Variants in FAM13A observed in about 807,000 individuals in gnomAD.
FAM13A encodes protein FAM13A.
Under a neutral mutation model 129.6 loss-of-function variants are expected in FAM13A, and 76 were observed. The ratio of observed to expected loss-of-function variants is 0.59; its 90% CI spans 0.49 to 0.71. The LOEUF (loss-of-function observed/expected upper bound fraction) is 0.71, where lower values mean the gene tolerates loss of function less well. Among genes scored for constraint, FAM13A ranks in the 30% least tolerant of loss-of-function variants. FAM13A has a pLI of 0.00. For missense variants in FAM13A, 1,108 were observed against 1,249.3 expected (o/e 0.89, Z 1.70); for synonymous variants, 443 against 449.9 (o/e 0.98, Z 0.20).
At chr4:89,002,243 G>A (rs1184851445) in intron 3 of FAM13A, among the ~76,000 whole-genome samples, 1 of 151,024 alleles carries the variant, frequency 6.6e-6, no homozygotes, top group African/African-American at 2.4e-5. Context: ...ACATTTGGAA[G>A]TGGATGCAAG....
At chr4:89,034,454 T>C (rs918490552) in intron 1 of FAM13A, among the ~76,000 whole-genome samples, 3 of 152,150 alleles carry the variant, frequency 2.0e-5, no homozygotes, top group African/African-American at 7.2e-5. Context: ...GAGAAAAGGG[T>C]ACATTTATAT....
At chr4:88,913,260 AAGAAGT>A (rs1454379157) in intron 5 of FAM13A, among the ~76,000 whole-genome samples, 2 of 139,644 alleles carry the variant, frequency 1.4e-5, no homozygotes, top group African/African-American at 5.4e-5. Context: ...GAAGAAGAGG[AAGAAGT>A]GGAGGAGGAA....
At chr4:88,832,758 A>C (rs1253371330) in intron 7 of FAM13A, among the ~76,000 whole-genome samples, 3 of 152,230 alleles carry the variant, frequency 2.0e-5, no homozygotes, top group Non-Finnish European at 4.4e-5. Context: ...AAGGAGAAAA[A>C]GGAACACTTT....
intron 7 of FAM13A, among the ~76,000 whole-genome samples, chr4:88,829,423 A>C (rs1733533436): frequency 6.6e-6 from 1 of 152,184 alleles, no homozygotes; most frequent in South Asian, 2.1e-4. Flanking sequence ...TAGGTGACAG[A>C]GTGAGTCTCA....
chr4:89,056,828 C>T, intron 1 of FAM13A, 110 bp downstream of exon 1: 1 of 1,079,094 alleles, frequency 9.3e-7, no homozygotes, highest in Non-Finnish European at 1.4e-6. Context: ...TTCCCCACCT[C>T]CTGGGAAGGA....
At chr4:88,937,949 T>G (rs897984795) in intron 5 of FAM13A, 139 bp downstream of exon 5, 1 of 620,962 alleles carries the variant, frequency 1.6e-6, no homozygotes, top group Non-Finnish European at 2.8e-6. Flanking sequence ...GAATAATAGA[T>G]TTCATAAGAA....
intron 3 of FAM13A, among the ~76,000 whole-genome samples, chr4:89,002,587 C>T (rs1338388357): frequency 1.3e-5 from 2 of 152,124 alleles, no homozygotes; most frequent in Non-Finnish European, 2.9e-5. Flanking sequence ...TTGGGCATCC[C>T]CAAATGACAC....
intron 6 of FAM13A, among the ~76,000 whole-genome samples, chr4:88,870,995 T>C (rs1741291942): frequency 6.6e-6 from 1 of 152,212 alleles, no homozygotes; most frequent in Admixed American, 6.5e-5. Context: ...TGGTGATACC[T>C]AGGCAAACAG....
At chr4:89,043,824 C>A (rs1031184650) in intron 1 of FAM13A, among the ~76,000 whole-genome samples, 1 of 152,186 alleles carries the variant, frequency 6.6e-6, no homozygotes, top group Non-Finnish European at 1.5e-5. Context: ...GTAATCCCAA[C>A]ACTTTGAGAG....
chr4:88,796,677 G>A (rs947545124), intron 8 of FAM13A, among the ~76,000 whole-genome samples: 1 of 149,468 alleles, frequency 6.7e-6, no homozygotes, highest in Non-Finnish European at 1.5e-5. Flanking sequence ...TTTGTTTTAG[G>A]TATGACTCTT....
Position 88,888,664 on chromosome 4 carries a change from G to A in FAM13A, c.843+17715C>T, listed in dbSNP as rs907034139. Among the ~76,000 whole-genome samples, 7 of 151,874 alleles carry A rather than the reference G, an allele frequency of 4.6e-5. 1 individual carries two copies. Among genetic ancestry groups the A allele is most frequent in the Non-Finnish European group, 7.4e-5 (5 of 67,992 alleles). On this transcript the variant is annotated intron_variant, in intron 6 of 23. Coordinates refer to ENST00000264344, the MANE Select transcript of FAM13A (RefSeq NM_014883.4). ...CTTGAGGCCAGGCACGGTGGCTCAC[G>A]CCTGTAATCCCAGAATTTTGGGAGG...
intron 4 of FAM13A, among the ~76,000 whole-genome samples, chr4:88,961,705 G>A (rs1758649862): frequency 6.6e-6 from 1 of 151,884 alleles, no homozygotes; most frequent in Non-Finnish European, 1.5e-5. Context: ...GAAGCAGTAG[G>A]GAACATAAAA....
At chr4:88,999,670 C>G (rs1328389285) in intron 3 of FAM13A, among the ~76,000 whole-genome samples, 5 of 152,082 alleles carry the variant, frequency 3.3e-5, no homozygotes. Context: ...TGAGTTAAAC[C>G]AAGCCCAGAG....
At chr4:88,755,996 A>G (rs145143935) in intron 14 of FAM13A, among the ~76,000 whole-genome samples, 1 of 152,346 alleles carries the variant, frequency 6.6e-6, no homozygotes, top group African/African-American at 2.4e-5. Flanking sequence ...GACATACTGA[A>G]TAGAGTAGCT....
At chr4:88,990,880 A>T in intron 4 of FAM13A, 93 bp downstream of exon 4, 1 of 946,372 alleles carries the variant, frequency 1.1e-6, no homozygotes, top group Non-Finnish European at 1.6e-6. Flanking sequence ...GAATTTTCAG[A>T]CTGAAATATG....
intron 3 of FAM13A, among the ~76,000 whole-genome samples, chr4:89,015,381 C>T (rs368378528): frequency 2.6e-4 from 39 of 152,262 alleles, no homozygotes; most frequent in African/African-American, 8.2e-4. Context: ...GCTGGTTTTG[C>T]GGCTTGCGGG....
intron 6 of FAM13A, among the ~76,000 whole-genome samples, chr4:88,881,016 C>A (rs1381734512): frequency 4.6e-5 from 7 of 152,136 alleles, no homozygotes; most frequent in Non-Finnish European, 8.8e-5. Flanking sequence ...AACCCTGCCC[C>A]CACCTGATGG....
chr4:88,945,744 T>C (rs529791447), intron 4 of FAM13A, among the ~76,000 whole-genome samples: 1 of 139,054 alleles, frequency 7.2e-6, no homozygotes, highest in Non-Finnish European at 1.5e-5. Context: ...ACTATAAGAT[T>C]GCAACCACTA....
intron 4 of FAM13A, among the ~76,000 whole-genome samples, chr4:88,970,440 G>A (rs1477926107): frequency 6.6e-6 from 1 of 151,058 alleles, no homozygotes; most frequent in Non-Finnish European, 1.5e-5. Context: ...ATCTGAGAGA[G>A]AGAGATATAT....
Sources: allele counts gnomAD v4.1 joint callset (sites outside exome capture counted in the v4.1 genomes callset), GRCh38; gene constraint gnomAD v4.1.1; transcripts MANE v1.5; gene names NCBI Gene and HGNC (gene_info 2026-07-23, HGNC 2026-07-21).